The following IL21R variants were observed in gnomAD, a reference collection of about 807,000 sequenced individuals.
IL21R encodes interleukin-21 receptor.
IL21R carries 14 observed loss-of-function variants against 41.3 expected under a neutral mutation model. That is an observed-to-expected ratio of 0.34 (90% CI 0.22 to 0.53). The LOEUF (loss-of-function observed/expected upper bound fraction) is 0.53. Ranked by LOEUF, IL21R falls within the 20% of genes least tolerant of loss-of-function variation. The pLI is 0.94. For missense variants in IL21R, 588 were observed against 681.6 expected, an observed-to-expected ratio of 0.86 and a Z score of 1.53; for synonymous variants, 286 against 287.6, an observed-to-expected ratio of 0.99 and a Z score of 0.05.
chr16:27,417,720 C>A (rs1353648447), intron 1 of IL21R, among the ~76,000 whole-genome samples: 1 of 152,162 alleles, frequency 6.6e-6, no homozygotes, highest in Non-Finnish European at 1.5e-5. Context: ...GCAACTGTAA[C>A]ACAATTGTAA....
intron 1 of IL21R, among the ~76,000 whole-genome samples, chr16:27,411,375 T>G (rs1324313809): frequency 6.6e-6 from 1 of 152,012 alleles, no homozygotes; most frequent in East Asian, 1.9e-4. Flanking sequence ...TGATGATTAG[T>G]GATATTGAGC....
intron 1 of IL21R, among the ~76,000 whole-genome samples, chr16:27,411,698 A>C (rs2086826216): frequency 6.6e-6 from 1 of 151,818 alleles, no homozygotes; most frequent in Non-Finnish European, 1.5e-5. Context: ...TCCTGACCTC[A>C]GGTGATTCGC....
intron 1 of IL21R, among the ~76,000 whole-genome samples, chr16:27,411,279 A>C (rs1462799599): frequency 6.6e-6 from 1 of 151,464 alleles, no homozygotes; most frequent in Non-Finnish European, 1.5e-5. Flanking sequence ...CATCTTCACC[A>C]CCATTTGTTC....
At chr16:27,406,956 C>T (rs563563578) in intron 1 of IL21R, among the ~76,000 whole-genome samples, 2 of 152,332 alleles carry the variant, frequency 1.3e-5, no homozygotes, top group East Asian at 1.9e-4. Context: ...CCCTGGGCAG[C>T]CCACTGTCCT....
At chr16:27,404,801 CA>C (rs2086712883) in intron 1 of IL21R, among the ~76,000 whole-genome samples, 1 of 152,178 alleles carries the variant, frequency 6.6e-6, no homozygotes, top group African/African-American at 2.4e-5. Flanking sequence ...AACCTTTCTG[CA>C]GCTCAGTTGC....
In IL21R at chr16:27,419,450, A is replaced by G. The variant is rs111838432; in HGVS notation, c.-16-10606A>G. Among the ~76,000 whole-genome samples, 790 of 152,284 alleles carry G rather than the reference A, an allele frequency of 5.2e-3. 7 individuals are homozygous for G. The highest frequency in any genetic ancestry group is 0.018 in the African/African-American group (768 of 41,560). The stretch of plus-strand genomic sequence containing the variant: ...AAGTTAACATTTTTTGTTTGTTTTT[A>G]AGAGTCTTGCTCTGTCACCCAGGCT... On this transcript the variant is annotated intron_variant, in intron 1 of 8. Transcript: ENST00000337929.
intron 8 of IL21R, chr16:27,448,250 T>G: frequency 1.8e-5 from 6 of 332,626 alleles, no homozygotes; most frequent in Non-Finnish European, 2.2e-5. Flanking sequence ...ACGTCAGGAG[T>G]TCAAGATCAG....
chr16:27,439,323 CTT>C (rs896997539), intron 4 of IL21R, among the ~76,000 whole-genome samples: 1 of 151,876 alleles, frequency 6.6e-6, no homozygotes, highest in Admixed American at 6.6e-5. Flanking sequence ...GCCTCTCTCT[CTT>C]GCTCTCTCTC....
chr16:27,443,309 A>G (rs2087423316), intron 5 of IL21R, among the ~76,000 whole-genome samples, 193 bp downstream of exon 5: 1 of 152,126 alleles, frequency 6.6e-6, no homozygotes, highest in Non-Finnish European at 1.5e-5. Flanking sequence ...ACCCCTGAAT[A>G]ATCTGTCCTC....
Position 27,450,589 on chromosome 16 carries a change from T to C in IL21R, c.*1306T>C, listed in dbSNP as rs892879522. 1.4e-5 allele frequency: 3 copies of C among 219,450 alleles called. No homozygotes were observed. The East Asian group carries it at 2.0e-4, about 15-fold the overall frequency. 13.6% of individuals were successfully genotyped at this position (219,450 alleles called of 1,614,324 possible). On this transcript the variant is annotated 3_prime_UTR_variant, in exon 9 of 9. Coordinates refer to ENST00000337929, the MANE Select transcript of IL21R (RefSeq NM_181078.3). ...TAGCAACATTTTCTTTTTCTTTTTT[T>C]TTTTTTTCTTTTGAGACAGAGTCTC...
intron 8 of IL21R, 152 bp from the exon 9 acceptor site, chr16:27,448,382 G>A (rs189701595): frequency 2.6e-6 from 2 of 766,530 alleles, no homozygotes; most frequent in South Asian, 2.0e-5. Context: ...TTGATCCTGG[G>A]AGGCAGAGGT....
At chr16:27,409,150 T>C (rs1416848967) in intron 1 of IL21R, among the ~76,000 whole-genome samples, 1 of 143,840 alleles carries the variant, frequency 7.0e-6, no homozygotes, top group Non-Finnish European at 1.5e-5. Context: ...GAATTGTGTT[T>C]ATTTCTCTCT....
At chr16:27,448,327 C>T (rs1447419716) in intron 8 of IL21R, 21 of 552,550 alleles carry the variant, frequency 3.8e-5, no homozygotes, top group Middle Eastern at 4.1e-4. Flanking sequence ...TGGTGACAGG[C>T]GCCTGTAGTC....
intron 2 of IL21R, among the ~76,000 whole-genome samples, chr16:27,433,529 T>G (rs1388925085): frequency 6.6e-6 from 1 of 152,158 alleles, no homozygotes; most frequent in Non-Finnish European, 1.5e-5. Flanking sequence ...GAATTGGCAC[T>G]CGAATATACA....
intron 1 of IL21R, chr16:27,403,237 G>A (rs1042561058): frequency 4.5e-6 from 6 of 1,331,812 alleles, no homozygotes; most frequent in African/African-American, 1.5e-5. Flanking sequence ...GGCCAACCCA[G>A]TTCCCTGTGC....
At chr16:27,431,390 G>T (rs758970686) in intron 2 of IL21R, among the ~76,000 whole-genome samples, 10 of 152,154 alleles carry the variant, frequency 6.6e-5, no homozygotes, top group Non-Finnish European at 1.2e-4. Flanking sequence ...CCCACAAGGC[G>T]CATGTTGTAA....
rs116026759 is a variant in IL21R at position 27,439,948 on chromosome 16, G to A, written c.352+2261G>A. ...GTTCTCAGTACCCTGGTGTCTTCTG[G>A]GACTCATCCTCACCCAGCCACACAG... is the stretch of plus-strand genomic sequence containing the variant. On this transcript the variant is annotated intron_variant, in intron 4 of 8. Coordinates refer to ENST00000337929, the MANE Select transcript of IL21R (RefSeq NM_181078.3). Among the ~76,000 whole-genome samples, 827 of 152,074 alleles carry A rather than the reference G, an allele frequency of 5.4e-3. 12 individuals are homozygous for A. The highest frequency in any genetic ancestry group is 0.019 in the African/African-American group (792 of 41,470).
intron 4 of IL21R, among the ~76,000 whole-genome samples, chr16:27,439,297 C>T (rs1353811228): frequency 6.6e-6 from 1 of 151,998 alleles, no homozygotes; most frequent in Non-Finnish European, 1.5e-5. Context: ...ATGGCATGGA[C>T]ACAGAGGCCC....
At chr16:27,419,995 C>G (rs1245114320) in intron 1 of IL21R, among the ~76,000 whole-genome samples, 1 of 150,570 alleles carries the variant, frequency 6.6e-6, no homozygotes, top group African/African-American at 2.4e-5. Context: ...TCAAGTGATT[C>G]TCCTGCCTCG....
Sources: allele counts gnomAD v4.1 joint callset (sites outside exome capture counted in the v4.1 genomes callset), GRCh38; gene constraint gnomAD v4.1.1; transcripts MANE v1.5; gene names NCBI Gene and HGNC (gene_info 2026-07-23, HGNC 2026-07-21).